Variants in AUTS2 observed in about 807,000 individuals in gnomAD.
AUTS2 encodes activator of transcription and developmental regulator AUTS2.
A neutral mutation model predicts 112.4 loss-of-function variants in AUTS2; 17 were observed. The observed-to-expected ratio is 0.15, with a 90% CI of 0.10 to 0.23. The LOEUF (loss-of-function observed/expected upper bound fraction) is 0.23. Among genes scored for constraint, AUTS2 ranks in the 10% least tolerant of loss-of-function variants. The pLI, the probability that AUTS2 is intolerant of heterozygous loss-of-function variation, is 1.00. For synonymous variants in AUTS2, 751 were observed against 702.7 expected (o/e 1.07, Z -1.09); for missense variants, 1,510 against 1,701.6 (o/e 0.89, Z 1.98).
At chr7:70,075,744 T>C (rs947808904) in intron 2 of AUTS2, among the ~76,000 whole-genome samples, 1 of 152,172 alleles carries the variant, frequency 6.6e-6, no homozygotes, top group African/African-American at 2.4e-5. Context: ...ATTAGCTTGA[T>C]GTCAGCTCAG....
At chr7:69,819,993 T>A (rs1298223345) in intron 1 of AUTS2, among the ~76,000 whole-genome samples, 1 of 152,234 alleles carries the variant, frequency 6.6e-6, no homozygotes. Context: ...CAAAGGAGAC[T>A]GTTCTACCTA....
intron 4 of AUTS2, among the ~76,000 whole-genome samples, chr7:70,145,563 G>A (rs1386803641): frequency 1.3e-5 from 2 of 152,134 alleles, no homozygotes; most frequent in South Asian, 2.1e-4. Context: ...TAACAGATAT[G>A]CTTGAGTACT....
At chr7:70,773,997 C>A in intron 11 of AUTS2, 31 bp from the exon 12 acceptor site, 1 of 1,609,992 alleles carries the variant, frequency 6.2e-7, no homozygotes, top group Non-Finnish European at 8.5e-7. Context: ...TTTGTGCTTC[C>A]TAAGTAAGCT....
intron 2 of AUTS2, among the ~76,000 whole-genome samples, chr7:70,080,598 G>A (rs1330315835): frequency 1.3e-5 from 2 of 152,100 alleles, no homozygotes; most frequent in South Asian, 2.1e-4. Flanking sequence ...TAATAAATAG[G>A]TGTACATCTA....
At chr7:70,578,997 G>A (rs1260067497) in intron 5 of AUTS2, among the ~76,000 whole-genome samples, 1 of 148,252 alleles carries the variant, frequency 6.7e-6, no homozygotes, top group Non-Finnish European at 1.5e-5. Context: ...TGCGATCATG[G>A]CTCACTGCAG....
intron 1 of AUTS2, among the ~76,000 whole-genome samples, chr7:69,759,439 AT>A (rs1486889893): frequency 2.6e-5 from 4 of 152,126 alleles, no homozygotes; most frequent in Non-Finnish European, 5.9e-5. Context: ...GCAGCTGCTC[AT>A]GTGAGTCCAG....
At chr7:69,653,208 ACTCTT>A (rs1216802083) in intron 1 of AUTS2, among the ~76,000 whole-genome samples, 2 of 151,704 alleles carry the variant, frequency 1.3e-5, no homozygotes, top group African/African-American at 4.8e-5. Flanking sequence ...TCTGCCTGTT[ACTCTT>A]CTCAGGCCAA....
At chr7:69,750,173 G>A (rs1787674397) in intron 1 of AUTS2, among the ~76,000 whole-genome samples, 1 of 152,048 alleles carries the variant, frequency 6.6e-6, no homozygotes, top group Non-Finnish European at 1.5e-5. Flanking sequence ...ACATGACCAT[G>A]GTTGGTTTCT....
chr7:70,173,646 G>A (rs987843366), intron 4 of AUTS2, among the ~76,000 whole-genome samples: 1 of 152,130 alleles, frequency 6.6e-6, no homozygotes, highest in Non-Finnish European at 1.5e-5. Context: ...CTTACATCAA[G>A]CAAGTCTGTC....
intron 4 of AUTS2, among the ~76,000 whole-genome samples, chr7:70,297,342 T>G (rs1180080760): frequency 6.6e-6 from 1 of 152,070 alleles, no homozygotes; most frequent in Non-Finnish European, 1.5e-5. Context: ...GGGTTGTTCC[T>G]CTTGAGGGAG....
At chr7:70,728,181 G>A (rs1235287080) in intron 6 of AUTS2, among the ~76,000 whole-genome samples, 1 of 152,044 alleles carries the variant, frequency 6.6e-6, no homozygotes, top group Non-Finnish European at 1.5e-5. Flanking sequence ...TAAAAAAATT[G>A]TTTGCTTTGT....
chr7:70,050,877 C>A (rs754584120), intron 2 of AUTS2, among the ~76,000 whole-genome samples: 55 of 152,252 alleles, frequency 3.6e-4, no homozygotes, highest in Admixed American at 1.0e-3. Context: ...CTCCTGTAGT[C>A]CCAGCTACTT....
At chr7:69,772,716 G>A (rs1489812490) in intron 1 of AUTS2, among the ~76,000 whole-genome samples, 1 of 152,204 alleles carries the variant, frequency 6.6e-6, no homozygotes, top group Non-Finnish European at 1.5e-5. Context: ...TTATAGGCAT[G>A]AGTCACTGTA....
chr7:70,456,233 C>A (rs970577899), intron 5 of AUTS2, among the ~76,000 whole-genome samples: 1 of 152,196 alleles, frequency 6.6e-6, no homozygotes, highest in Admixed American at 6.5e-5. Context: ...ATTTACATAG[C>A]CATGGCCAAA....
intron 4 of AUTS2, among the ~76,000 whole-genome samples, chr7:70,188,604 G>T (rs1018465566): frequency 1.7e-4 from 26 of 152,084 alleles, no homozygotes; most frequent in African/African-American, 6.0e-4. Context: ...AATATATCAC[G>T]ATTTTGGAGA....
intron 4 of AUTS2, among the ~76,000 whole-genome samples, chr7:70,362,630 C>G (rs1792323298): frequency 6.6e-6 from 1 of 151,816 alleles, no homozygotes; most frequent in African/African-American, 2.4e-5. Context: ...CTCCCTCCCT[C>G]TCTCCTTCCT....
chr7:70,185,478 T>G (rs1409754988), intron 4 of AUTS2, among the ~76,000 whole-genome samples: 1 of 152,122 alleles, frequency 6.6e-6, no homozygotes, highest in Admixed American at 6.5e-5. Flanking sequence ...TTTCCCAGTT[T>G]GTGAGGCCAC....
intron 5 of AUTS2, among the ~76,000 whole-genome samples, chr7:70,453,753 C>T (rs1025040368): frequency 6.6e-6 from 1 of 152,172 alleles, no homozygotes; most frequent in African/African-American, 2.4e-5. Flanking sequence ...GTCTCATCTC[C>T]GCCTGCCTCT....
intron 2 of AUTS2, among the ~76,000 whole-genome samples, chr7:69,946,996 A>G (rs1047015266): frequency 6.6e-6 from 1 of 152,078 alleles, no homozygotes; most frequent in African/African-American, 2.4e-5. Context: ...CCTGGTGGGC[A>G]CTCGTTTGAT....
Sources: allele counts gnomAD v4.1 joint callset (sites outside exome capture counted in the v4.1 genomes callset), GRCh38; gene constraint gnomAD v4.1.1; transcripts MANE v1.5; gene names NCBI Gene and HGNC (gene_info 2026-07-23, HGNC 2026-07-21).